Variants in RIN3 observed in about 807,000 individuals in gnomAD.
RIN3 encodes RAB5 interacting protein 3.
In RIN3, 54 loss-of-function variants were observed where a neutral mutation model predicts 76.3. That is an observed-to-expected ratio of 0.71 (90% CI 0.57 to 0.89). RIN3 has a LOEUF of 0.89. Among genes scored for constraint, RIN3 ranks in the 40% least tolerant of loss-of-function variants. The pLI, the probability that RIN3 is intolerant of heterozygous loss-of-function variation, is 0.00. For synonymous variants in RIN3, 576 were observed against 564.0 expected (o/e 1.02, Z -0.30); for missense variants, 1,256 against 1,322.1 (o/e 0.95, Z 0.78).
At chr14:92,537,661 T>A (rs1364312417) in intron 1 of RIN3, among the ~76,000 whole-genome samples, 3 of 93,306 alleles carry the variant, frequency 3.2e-5, no homozygotes, top group Non-Finnish European at 6.9e-5. Flanking sequence ...TTTTTTTTTT[T>A]GGAGACAGAG....
At chr14:92,613,881 C>T (rs924779793) in intron 3 of RIN3, among the ~76,000 whole-genome samples, 2 of 152,196 alleles carry the variant, frequency 1.3e-5, no homozygotes, top group African/African-American at 4.8e-5. Context: ...AGAGAGCGCT[C>T]ATGTGGGGCT....
intron 1 of RIN3, among the ~76,000 whole-genome samples, chr14:92,538,248 C>T (rs530184184): frequency 1.8e-4 from 27 of 152,276 alleles, no homozygotes; most frequent in African/African-American, 5.5e-4. Context: ...GGATTACAGG[C>T]GTGAGCCACC....
chr14:92,638,512 C>T (rs1369976644), intron 4 of RIN3, among the ~76,000 whole-genome samples: 1 of 152,164 alleles, frequency 6.6e-6, no homozygotes, highest in African/African-American at 2.4e-5. Context: ...GCTGTCCTGG[C>T]AGTCAGGGGG....
chr14:92,578,729 C>T (rs867149791), intron 3 of RIN3, among the ~76,000 whole-genome samples: 27 of 151,956 alleles, frequency 1.8e-4, no homozygotes, highest in Middle Eastern at 3.4e-3. Context: ...AGTTCCTGGG[C>T]GAGGGCCACA....
chr14:92,641,151 CAG>C, intron 4 of RIN3, 85 bp from the exon 5 acceptor site: 1 of 1,022,750 alleles, frequency 9.8e-7, no homozygotes, highest in East Asian at 2.4e-5. Flanking sequence ...TGGCAGCCAG[CAG>C]AGATTGCCAG....
intron 2 of RIN3, among the ~76,000 whole-genome samples, chr14:92,574,666 C>T (rs1240558818): frequency 6.6e-6 from 1 of 152,178 alleles, no homozygotes; most frequent in Non-Finnish European, 1.5e-5. Flanking sequence ...GCTCCTGTAT[C>T]ACCAGGAGTA....
rs1566906519 is a variant in RIN3 at position 92,688,192 on chromosome 14, T to C, written c.2898T>C (p.Gly966=). The C allele has an allele frequency of 3.7e-6, 6 of 1,601,206 alleles. No homozygotes were observed. The highest frequency in any genetic ancestry group is 1.7e-5 in the Admixed American group (1 of 59,502). ...FHFVYRPLDG[G]GGGGGGSPPC... is the part of the protein sequence containing the mutation. ...TTGTCTACCGGCCCCTGGACGGTGG[T>C]GGCGGCGGCGGCGGCGGGAGCCCGC... The change falls in exon 10 of 10, where the codon GGT becomes GGC. Residue 966 remains glycine (G), a synonymous_variant. Transcript: ENST00000216487.
At position 92,688,515 on chromosome 14, in the gene RIN3, C is replaced by G; in HGVS notation, c.*263C>G. ...GGGAAACTGAGGCTCAGGAGAGAGG[C>G]GCTCCAGGCCGCTGCAGCCAACAAA... is the stretch of plus-strand genomic sequence containing the variant. On this transcript the variant is annotated 3_prime_UTR_variant, in exon 10 of 10. Transcript: ENST00000216487. 1.9e-6 allele frequency: 1 copy of G among 515,662 alleles called. No homozygotes were observed. The highest frequency in any genetic ancestry group is 3.4e-6 in the Non-Finnish European group (1 of 291,048). 31.9% of individuals were successfully genotyped at this position (515,662 alleles called of 1,614,324 possible).
rs7156748 is a variant in RIN3 at position 92,573,934 on chromosome 14, G to A, written c.250-3426G>A. 4.9e-3 allele frequency among the ~76,000 whole-genome samples: 739 copies of A among 152,304 alleles called. 4 individuals are homozygous for A. Among genetic ancestry groups the A allele is most frequent in the African/African-American group, 0.017 (692 of 41,570 alleles). On this transcript the variant is annotated intron_variant, in intron 2 of 9. Transcript: ENST00000216487. The stretch of plus-strand genomic sequence containing the variant: ...GTAGGGTGACAATTTGGCAGGAGCC[G>A]AGGCTTGTCTCTGAGCCTCTGAGCG...
chr14:92,653,663 G>C (rs568349293), intron 6 of RIN3, among the ~76,000 whole-genome samples: 1 of 152,232 alleles, frequency 6.6e-6, no homozygotes, highest in African/African-American at 2.4e-5. Flanking sequence ...AATTATCAAA[G>C]CTTTTCCGAT....
At position 92,669,019 on chromosome 14, in the gene RIN3, C is replaced by A. The variant is rs1888200640; in HGVS notation, c.2336-7456C>A. Among the ~76,000 whole-genome samples the A allele has an allele frequency of 2.0e-5, 3 of 152,290 alleles. No homozygotes were observed. In the South Asian group the frequency reaches 6.2e-4, roughly 32 times the overall value. On this transcript the variant is annotated intron_variant, in intron 7 of 9. Transcript: ENST00000216487. ...CAATGCAGATGTTAAGAACAAAACC[C>A]AGAAGACCCAGCCCATGTTTTTAGG...
chr14:92,641,196 C>T (rs769133305), intron 4 of RIN3, 42 bp from the exon 5 acceptor site: 49 of 1,457,146 alleles, frequency 3.4e-5, no homozygotes, highest in South Asian at 2.8e-4. Flanking sequence ...GGAATGGACA[C>T]GGTGGACCCA....
chr14:92,605,310 A>C (rs1181589939), intron 3 of RIN3, among the ~76,000 whole-genome samples: 1 of 152,258 alleles, frequency 6.6e-6, no homozygotes, highest in East Asian at 1.9e-4. Context: ...AACTCTGACC[A>C]AGCCCTTCAA....
At chr14:92,612,675 C>T (rs1885790563) in intron 3 of RIN3, among the ~76,000 whole-genome samples, 1 of 152,206 alleles carries the variant, frequency 6.6e-6, no homozygotes, top group Non-Finnish European at 1.5e-5. Flanking sequence ...ATGCTGTTTG[C>T]ATAGTCAGGA....
intron 1 of RIN3, among the ~76,000 whole-genome samples, chr14:92,523,498 T>G (rs1305163364): frequency 6.6e-6 from 1 of 152,226 alleles, no homozygotes; most frequent in Non-Finnish European, 1.5e-5. Context: ...TCTATCTCTG[T>G]CACATAGCAC....
intron 1 of RIN3, among the ~76,000 whole-genome samples, chr14:92,532,511 C>G (rs1008460932): frequency 1.3e-5 from 2 of 152,148 alleles, no homozygotes; most frequent in African/African-American, 4.8e-5. Flanking sequence ...GGCAGGGCAC[C>G]CAGGCTCCTT....
intron 1 of RIN3, among the ~76,000 whole-genome samples, chr14:92,545,654 C>T (rs1279085644): frequency 2.1e-5 from 3 of 146,114 alleles, no homozygotes; most frequent in African/African-American, 7.6e-5. Context: ...GATCAGTGCT[C>T]ACTGCAGCCT....
intron 5 of RIN3, among the ~76,000 whole-genome samples, chr14:92,647,402 C>A (rs1887239293): frequency 6.6e-6 from 1 of 152,164 alleles, no homozygotes; most frequent in Non-Finnish European, 1.5e-5. Context: ...TTACAAGCGT[C>A]CAAGGAATTT....
intron 2 of RIN3, chr14:92,576,452 A>G: frequency 7.9e-7 from 1 of 1,263,752 alleles, no homozygotes; most frequent in Non-Finnish European, 1.0e-6. Context: ...AGAAGAGAGT[A>G]AACCTACAGC....
Sources: gnomAD v4.1 joint callset for allele counts (sites outside exome capture counted in the v4.1 genomes callset) on GRCh38, gnomAD v4.1.1 for gene constraint, MANE v1.5 for transcripts, NCBI Gene and HGNC (gene_info 2026-07-23, HGNC 2026-07-21) for gene names.